Variants in ANK2 observed in about 807,000 individuals in gnomAD.
ANK2 encodes ankyrin-2.
In ANK2, 83 loss-of-function variants were observed where a neutral mutation model predicts 360.5. The ratio of observed to expected loss-of-function variants is 0.23; its 90% CI spans 0.19 to 0.28. The LOEUF is 0.28. Among genes scored for constraint, ANK2 ranks in the 10% least tolerant of loss-of-function variants. The probability of loss-of-function intolerance (pLI) is 1.00; values close to 1 mark genes in which losing one functional copy is unlikely to be tolerated. For synonymous variants in ANK2, 1,740 were observed against 1,759.5 expected, an observed-to-expected ratio of 0.99 and a Z score of 0.28; for missense variants, 4,201 against 4,795.7, an observed-to-expected ratio of 0.88 and a Z score of 3.66.
intron 1 of ANK2, among the ~76,000 whole-genome samples, chr4:113,126,519 G>A (rs761605124): frequency 2.1e-4 from 32 of 152,148 alleles, no homozygotes; most frequent in Non-Finnish European, 4.0e-4. Flanking sequence ...CTTCTTTGAG[G>A]ACAGAGGTTA....
At chr4:113,133,284 A>C (rs1042654419) in intron 1 of ANK2, among the ~76,000 whole-genome samples, 3 of 152,146 alleles carry the variant, frequency 2.0e-5, no homozygotes, top group African/African-American at 7.2e-5. Context: ...GAGATGTATC[A>C]AGGGTCCCAG....
intron 2 of ANK2, among the ~76,000 whole-genome samples, chr4:112,978,595 C>T (rs768784212): frequency 3.9e-5 from 6 of 152,172 alleles, no homozygotes; most frequent in African/African-American, 7.2e-5. Flanking sequence ...TTGTGCCTGC[C>T]TTATTTCACT....
chr4:112,905,338 A>T (rs2084841188), intron 2 of ANK2, among the ~76,000 whole-genome samples: 1 of 152,206 alleles, frequency 6.6e-6, no homozygotes, highest in Admixed American at 6.5e-5. Context: ...TAGATTAGTA[A>T]TTTAATCCAA....
intron 4 of ANK2, among the ~76,000 whole-genome samples, chr4:113,207,979 A>G (rs2098974383): frequency 6.6e-6 from 1 of 152,174 alleles, no homozygotes; most frequent in Admixed American, 6.5e-5. Flanking sequence ...ACATGCAAGA[A>G]CCTAAAAGAA....
At chr4:113,302,271 G>T (rs2075382221) in intron 22 of ANK2, among the ~76,000 whole-genome samples, 1 of 152,150 alleles carries the variant, frequency 6.6e-6, no homozygotes, top group South Asian at 2.1e-4. Flanking sequence ...TTAAAGAGAT[G>T]ATTTGATCCT....
intron 7 of ANK2, 31 bp from the exon 8 acceptor site, chr4:113,240,454 T>A: frequency 6.5e-7 from 1 of 1,536,328 alleles, no homozygotes; most frequent in Non-Finnish European, 9.0e-7. Flanking sequence ...AGTGAAGCGC[T>A]ATACTGACTG....
At chr4:112,969,647 A>C (rs955305112) in intron 2 of ANK2, among the ~76,000 whole-genome samples, 1 of 152,222 alleles carries the variant, frequency 6.6e-6, no homozygotes, top group East Asian at 1.9e-4. Flanking sequence ...AAACTCAAGC[A>C]AACCATATCT....
intron 2 of ANK2, among the ~76,000 whole-genome samples, chr4:112,978,006 G>T (rs1365862610): frequency 6.6e-6 from 1 of 152,154 alleles, no homozygotes; most frequent in Non-Finnish European, 1.5e-5. Context: ...CACTTTGGGT[G>T]GCCGAGGTAG....
intron 1 of ANK2, among the ~76,000 whole-genome samples, chr4:112,868,020 G>A (rs2071367451): frequency 6.6e-6 from 1 of 152,064 alleles, no homozygotes; most frequent in Non-Finnish European, 1.5e-5. Context: ...ATTTCCATCA[G>A]CATAATATGA....
At chr4:112,707,643 A>T in the ANK2 span, among the ~76,000 whole-genome samples, 6 of 152,322 alleles carry the variant, frequency 3.9e-5, no homozygotes, top group Admixed American at 2.0e-4. Context: ...AATTATTTTT[A>T]TATTTGGCTA....
chr4:113,051,147 C>T (rs2066799347), intron 1 of ANK2, among the ~76,000 whole-genome samples: 1 of 151,306 alleles, frequency 6.6e-6, no homozygotes, highest in African/African-American at 2.4e-5. Context: ...AGAGTGTTAG[C>T]TAATTGAACA....
At chr4:112,874,586 G>C (rs1025144142) in intron 1 of ANK2, among the ~76,000 whole-genome samples, 72 of 146,712 alleles carry the variant, frequency 4.9e-4, no homozygotes, top group Admixed American at 1.7e-3. Flanking sequence ...AGGTTGCAGT[G>C]AGCCAAGATC....
intron 10 of ANK2, among the ~76,000 whole-genome samples, chr4:113,251,110 G>A (rs78384620): frequency 0.048 from 7,286 of 152,146 alleles, 583 homozygotes; most frequent in African/African-American, 0.17. Context: ...ATAAAGAAAC[G>A]TTGAAATTTA....
At chr4:112,949,297 A>C (rs1056010646) in intron 2 of ANK2, among the ~76,000 whole-genome samples, 6 of 152,170 alleles carry the variant, frequency 3.9e-5, no homozygotes, top group Non-Finnish European at 5.9e-5. Context: ...GAAAAACACC[A>C]ATAAAGCATT....
At position 113,014,848 on chromosome 4, in the gene ANK2, C is replaced by CTTTTTTTTTT. The variant is rs530387481; in HGVS notation, c.21+110353_21+110362dup. Among the ~76,000 whole-genome samples, 4 of 70,288 alleles carry CTTTTTTTTTT rather than the reference C, an allele frequency of 5.7e-5. 2 individuals are homozygous for CTTTTTTTTTT. The highest frequency in any genetic ancestry group is 1.8e-3 in the South Asian group (2 of 1,122). The allele number at this position is 70,288 out of a possible 152,430, so 46.1% of individuals were successfully genotyped here. Reference sequence around the variant, plus strand: ...GTCTGTATAGATGTGGATCATAGAGCTTTTTTTTTTTTTTTTTTTTTTTTT... The same window carrying CTTTTTTTTTT: ...GTCTGTATAGATGTGGATCATAGAGCTTTTTTTTTTTTTTTTTTTTTTTTTTTTTTTTTTT... On this transcript the variant is annotated intron_variant, in intron 2 of 30. Transcript: ENST00000503271.
At chr4:113,136,451 T>C (rs11730002) in intron 1 of ANK2, among the ~76,000 whole-genome samples, 20,778 of 152,134 alleles carry the variant, frequency 0.14, 1,901 homozygotes, top group Non-Finnish European at 0.21. Flanking sequence ...ATCCCAGCAC[T>C]TGGGAGGAAT....
chr4:113,230,924 T>G (rs972713122), intron 4 of ANK2, among the ~76,000 whole-genome samples: 2 of 152,204 alleles, frequency 1.3e-5, no homozygotes, highest in African/African-American at 2.4e-5. Context: ...TAAATAACTG[T>G]GTAAGTGAAT....
At chr4:113,046,970 C>T (rs1324062937), upstream of ANK2, among the ~76,000 whole-genome samples, 2 of 152,212 alleles carry the variant, frequency 1.3e-5, no homozygotes. Flanking sequence ...GATTCTATTA[C>T]TAATTGGGCT....
chr4:112,724,509 A>G, the ANK2 span, among the ~76,000 whole-genome samples: 7 of 151,970 alleles, frequency 4.6e-5, no homozygotes, highest in African/African-American at 1.2e-4. Context: ...ACATTCTAGT[A>G]AAAGAAAGGA....
Sources: allele counts gnomAD v4.1 joint callset (sites outside exome capture counted in the v4.1 genomes callset), GRCh38; gene constraint gnomAD v4.1.1; transcripts MANE v1.5; gene names NCBI Gene and HGNC (gene_info 2026-07-23, HGNC 2026-07-21).